The following ADGRB3 variants were observed in gnomAD, a reference collection of about 807,000 sequenced individuals.
ADGRB3 encodes the protein brain-specific angiogenesis inhibitor 3.
Under a neutral mutation model 193.4 loss-of-function variants are expected in ADGRB3, and 37 were observed. That is an observed-to-expected ratio of 0.19 (90% CI 0.15 to 0.25). The LOEUF is 0.25. Ranked by LOEUF, ADGRB3 falls within the 10% of genes least tolerant of loss-of-function variation. The pLI is 1.00. For synonymous variants in ADGRB3, 690 were observed against 644.2 expected (o/e 1.07, Z -1.08); for missense variants, 1,637 against 1,852.9 (o/e 0.88, Z 2.14).
At chr6:69,265,241 A>G (rs1398576684) in intron 20 of ADGRB3, among the ~76,000 whole-genome samples, 2 of 151,968 alleles carry the variant, frequency 1.3e-5, no homozygotes, top group Non-Finnish European at 2.9e-5. Context: ...GTCACAAGTG[A>G]TGCTCATATG....
At chr6:69,021,601 A>G (rs905733500) in intron 13 of ADGRB3, among the ~76,000 whole-genome samples, 1 of 151,904 alleles carries the variant, frequency 6.6e-6, no homozygotes, top group African/African-American at 2.4e-5. Context: ...TCCTAAAGAA[A>G]TGACACCTCA....
intron 3 of ADGRB3, among the ~76,000 whole-genome samples, chr6:68,826,975 G>T (rs181818156): frequency 6.6e-6 from 1 of 152,258 alleles, no homozygotes; most frequent in East Asian, 1.9e-4. Context: ...AAACAGAAAG[G>T]TAGTTCCAAG....
chr6:69,360,844 T>A (rs1769434658), intron 28 of ADGRB3, 25 bp from the exon 29 acceptor site: 1 of 1,545,930 alleles, frequency 6.5e-7, no homozygotes, highest in African/African-American at 1.4e-5. Context: ...ACTCTCTTTC[T>A]TCAACTTTAC....
At chr6:69,052,050 C>G (rs367850238) in intron 15 of ADGRB3, among the ~76,000 whole-genome samples, 22 of 152,106 alleles carry the variant, frequency 1.4e-4, no homozygotes, top group Non-Finnish European at 2.2e-4. Flanking sequence ...ACCACCACGC[C>G]GGGCTAATTT....
rs1205931608 is a variant in ADGRB3 at position 69,266,748 on chromosome 6, A to C, written c.2814+27522A>C. ...ACAGAGAGAGACTATGTAAAAGAAAATGATGTTTATTTGGAGATAGAGCAT... is the reference window on the plus strand; with the variant it reads ...ACAGAGAGAGACTATGTAAAAGAAACTGATGTTTATTTGGAGATAGAGCAT... On this transcript the variant is annotated intron_variant, in intron 20 of 31. Transcript: ENST00000370598. 3.9e-5 allele frequency among the ~76,000 whole-genome samples: 6 copies of C among 152,092 alleles called. No individual in the cohort carries two copies. In the East Asian group the frequency reaches 1.2e-3, roughly 29 times the overall value.
At position 68,787,100 on chromosome 6, in the gene ADGRB3, C is replaced by G. The variant is rs150996344; in HGVS notation, c.758-143459C>G. On this transcript the variant is annotated intron_variant, in intron 3 of 31. Coordinates refer to ENST00000370598, the MANE Select transcript of ADGRB3 (RefSeq NM_001704.3). ...GATATACAATCATGTAATCTGCAAA[C>G]AGGGACAATTTGACTTCCTCTTTTC... Among the ~76,000 whole-genome samples, 418 of 152,278 alleles carry G rather than the reference C, an allele frequency of 2.7e-3. 1 individual carries two copies. Among genetic ancestry groups the G allele is most frequent in the African/African-American group, 9.6e-3 (398 of 41,552 alleles).
intron 30 of ADGRB3, among the ~76,000 whole-genome samples, chr6:69,378,009 G>T (rs542544954): frequency 6.6e-6 from 1 of 152,008 alleles, no homozygotes; most frequent in African/African-American, 2.4e-5. Context: ...TGTGGCAGTC[G>T]CCTTCCCTGG....
rs1766590219 is a variant in ADGRB3 at position 69,250,170 on chromosome 6, A to T, written c.2814+10944A>T. On this transcript the variant is annotated intron_variant, in intron 20 of 31. Coordinates refer to ENST00000370598, the MANE Select transcript of ADGRB3 (RefSeq NM_001704.3). ...GATACATCAGTATATACATGCAATTAGGACTACAGAAGGTTTTGAATGGAT... is the reference window on the plus strand; with the variant it reads ...GATACATCAGTATATACATGCAATTTGGACTACAGAAGGTTTTGAATGGAT... Among the ~76,000 whole-genome samples the T allele has an allele frequency of 4.6e-5, 7 of 152,344 alleles. No individual in the cohort carries two copies. In the South Asian group the frequency reaches 1.4e-3, roughly 32 times the overall value.
chr6:68,851,194 G>A (rs543515470), intron 3 of ADGRB3, among the ~76,000 whole-genome samples: 1 of 152,040 alleles, frequency 6.6e-6, no homozygotes, highest in African/African-American at 2.4e-5. Context: ...CAAGGCTGCA[G>A]TTTGAGCTGC....
chr6:68,944,137 G>A, intron 6 of ADGRB3, 143 bp downstream of exon 6: 1 of 843,062 alleles, frequency 1.2e-6, no homozygotes, highest in South Asian at 2.8e-5. Context: ...CCTAAAACTG[G>A]GTACTTTTCT....
At chr6:69,006,677 T>A (rs112947838) in intron 11 of ADGRB3, among the ~76,000 whole-genome samples, 3 of 151,742 alleles carry the variant, frequency 2.0e-5, no homozygotes, top group Admixed American at 2.0e-4. Context: ...AGCTAATTTT[T>A]TTTTATTTTT....
chr6:68,676,110 AGGCCTG>A (rs751053836), intron 3 of ADGRB3, among the ~76,000 whole-genome samples: 4 of 152,150 alleles, frequency 2.6e-5, no homozygotes, highest in Non-Finnish European at 5.9e-5. Context: ...AGAGAGAATG[AGGCCTG>A]GCGTGGTGGC....
At chr6:69,027,485 A>C (rs571920321) in intron 13 of ADGRB3, among the ~76,000 whole-genome samples, 102 of 152,358 alleles carry the variant, frequency 6.7e-4, no homozygotes, top group African/African-American at 2.4e-3. Context: ...TAAAATGTAC[A>C]GTATAGTAAA....
chr6:69,136,659 G>A (rs559408489), intron 17 of ADGRB3, among the ~76,000 whole-genome samples: 1 of 151,748 alleles, frequency 6.6e-6, no homozygotes, highest in South Asian at 2.1e-4. Context: ...TCAAAATGGA[G>A]AATTCACATT....
At chr6:68,827,114 TC>T (rs1464627927) in intron 3 of ADGRB3, among the ~76,000 whole-genome samples, 2 of 152,028 alleles carry the variant, frequency 1.3e-5, no homozygotes, top group Non-Finnish European at 2.9e-5. Flanking sequence ...AGGGATTGAG[TC>T]CTAGGGAGCT....
intron 3 of ADGRB3, among the ~76,000 whole-genome samples, chr6:68,722,880 GCAAA>G (rs1249986541): frequency 1.3e-5 from 2 of 151,204 alleles, no homozygotes; most frequent in Admixed American, 6.6e-5. Context: ...AAGAGAACAA[GCAAA>G]CAAACAAACA....
chr6:69,189,388 C>T (rs556390835), intron 17 of ADGRB3, among the ~76,000 whole-genome samples: 64 of 152,254 alleles, frequency 4.2e-4, no homozygotes, highest in African/African-American at 1.5e-3. Flanking sequence ...CTTTTGTCCA[C>T]ATTGATGCTG....
At chr6:68,769,793 T>C (rs1042873609) in intron 3 of ADGRB3, among the ~76,000 whole-genome samples, 2 of 152,110 alleles carry the variant, frequency 1.3e-5, no homozygotes, top group Non-Finnish European at 2.9e-5. Flanking sequence ...GAGAGAAAAA[T>C]TGAAATTATT....
chr6:69,163,782 T>C (rs1214141515), intron 17 of ADGRB3, among the ~76,000 whole-genome samples: 1 of 152,114 alleles, frequency 6.6e-6, no homozygotes, highest in African/African-American at 2.4e-5. Context: ...CATACAGAAT[T>C]ATCTTGCATT....
Sources: gnomAD v4.1 joint callset for allele counts (sites outside exome capture counted in the v4.1 genomes callset) on GRCh38, gnomAD v4.1.1 for gene constraint, MANE v1.5 for transcripts, NCBI Gene and HGNC (gene_info 2026-07-23, HGNC 2026-07-21) for gene names.